The following JHY variants were observed in gnomAD, a reference collection of about 807,000 sequenced individuals.
The protein encoded by JHY is jhy protein homolog.
JHY carries 69 observed loss-of-function variants against 78.0 expected under a neutral mutation model. The observed-to-expected ratio is 0.88, with a 90% CI of 0.73 to 1.08. The LOEUF is 1.08. Among genes scored for constraint, JHY ranks in the 50% least tolerant of loss-of-function variants. JHY has a pLI of 0.00. For missense variants in JHY, 944 were observed against 927.8 expected (o/e 1.02, Z -0.23); for synonymous variants, 368 against 342.6 (o/e 1.07, Z -0.82).
intron 3 of JHY, among the ~76,000 whole-genome samples, chr11:122,916,124 G>A (rs917195887): frequency 1.3e-5 from 2 of 151,978 alleles, no homozygotes; most frequent in Non-Finnish European, 1.5e-5. Flanking sequence ...CCATAGCAAA[G>A]TTAGGTGACT....
intron 4 of JHY, among the ~76,000 whole-genome samples, chr11:122,930,379 C>T (rs1045742894): frequency 1.3e-5 from 2 of 152,100 alleles, no homozygotes; most frequent in African/African-American, 4.8e-5. Flanking sequence ...TGTGCCCAGC[C>T]AAGAAAGAGA....
chr11:122,905,646 T>A lies in JHY; in HGVS notation c.864+1202T>A, dbSNP rs560678858. 4.4e-4 allele frequency: 419 copies of A among 946,584 alleles called. 2 individuals are homozygous for A. The African/African-American group carries it at 7.1e-3, about 16-fold the overall frequency. 58.6% of individuals were successfully genotyped at this position (946,584 alleles called of 1,614,324 possible). On this transcript the variant is annotated intron_variant, in intron 3 of 8. Transcript: ENST00000227349. ...ACTTTGGGAGGTCGAGGTGGGAGGA[T>A]CACTTGAGGCCACGAGTTCAAGACC...
At chr11:122,931,176 A>C (rs751976652) in intron 4 of JHY, among the ~76,000 whole-genome samples, 10 of 152,196 alleles carry the variant, frequency 6.6e-5, no homozygotes, top group Admixed American at 2.0e-4. Flanking sequence ...GAAGACACAA[A>C]CATTCAAACC....
At chr11:122,944,065 G>A (rs1017283556) in intron 5 of JHY, among the ~76,000 whole-genome samples, 4 of 151,982 alleles carry the variant, frequency 2.6e-5, no homozygotes, top group African/African-American at 9.7e-5. Flanking sequence ...GGCATGGTGG[G>A]GTGCACCTGT....
rs768441102 is a variant in JHY, at chr11:122,934,808, A to G, written c.1367A>G (p.Asn456Ser). ...KQAFDKVLSK[N>S]STGCDSGLNV... Reference sequence around the variant, plus strand: ...GCTTTTGACAAGGTCTTATCTAAAAACTCTACTGGATGTGACTCTGGGCTG... The same window carrying G: ...GCTTTTGACAAGGTCTTATCTAAAAGCTCTACTGGATGTGACTCTGGGCTG... Residue 456 changes from asparagine (N) to serine (S), a missense_variant, in exon 5 of 9, where the codon AAC becomes AGC. Physicochemically the swap from Asn to Ser is conservative, Grantham distance 46. Coordinates refer to ENST00000227349, the MANE Select transcript of JHY (RefSeq NM_024806.4). 3.1e-6 allele frequency: 5 copies of G among 1,613,854 alleles called. No homozygotes were observed. The highest frequency in any genetic ancestry group is 4.2e-6 in the Non-Finnish European group (5 of 1,180,012).
chr11:122,887,499 T>C (rs1027331099), intron 2 of JHY, among the ~76,000 whole-genome samples: 1 of 152,186 alleles, frequency 6.6e-6, no homozygotes, highest in Non-Finnish European at 1.5e-5. Context: ...ATTTTTGCAT[T>C]TTTAGTAGAG....
At chr11:122,905,056 C>T (rs529886926) in intron 3 of JHY, 3 of 839,588 alleles carry the variant, frequency 3.6e-6, no homozygotes, top group Non-Finnish European at 5.7e-6. Flanking sequence ...TCTATAAACC[C>T]CATTGAAAAT....
chr11:122,956,619 C>G, intron 7 of JHY, 43 bp downstream of exon 7: 1 of 1,545,020 alleles, frequency 6.5e-7, no homozygotes, highest in Non-Finnish European at 8.9e-7. Flanking sequence ...CTGACTCAGC[C>G]CATCTGTCTG....
rs115680023 is a variant in JHY, at chr11:122,960,277, C to T, written c.*832C>T. The T allele has an allele frequency of 0.034, 5,291 of 154,454 alleles. 202 individuals carry two copies. Among genetic ancestry groups the T allele is most frequent in the African/African-American group, 0.091 (3,776 of 41,544 alleles). The allele number at this position is 154,454 out of a possible 1,614,324, so 9.6% of individuals were successfully genotyped here. The stretch of plus-strand genomic sequence containing the variant: ...TTCCTGCCCTGACAGATTCTCTGGT[C>T]GGGGTCACAGGGATGTTAAGACAGC... On this transcript the variant is annotated 3_prime_UTR_variant, in exon 9 of 9. Coordinates refer to ENST00000227349, the MANE Select transcript of JHY (RefSeq NM_024806.4).
rs1298415756 is a variant in JHY, at chr11:122,917,433, A to G, written c.865-7464A>G. ...AGTCCCTTGTATGTCATTTTAAAGC[A>G]GAAGCTCTCATATTGTGTTCCTTGG... On this transcript the variant is annotated intron_variant, in intron 3 of 8. Transcript: ENST00000227349. This position sits in a 1 kb window ranked among gnomAD's most constrained non-coding sequence, Gnocchi z 4.1. Among the ~76,000 whole-genome samples the G allele has an allele frequency of 6.6e-6, 1 of 152,240 alleles. No homozygotes were observed. Among genetic ancestry groups the G allele is most frequent in the Non-Finnish European group, 1.5e-5 (1 of 68,042 alleles).
At chr11:122,914,095 A>G (rs7118375) in intron 3 of JHY, among the ~76,000 whole-genome samples, 13,503 of 152,220 alleles carry the variant, frequency 0.089, 998 homozygotes, top group African/African-American at 0.2. Context: ...AAAATTACAA[A>G]TGTTTGCCTT....
chr11:122,950,640 T>C (rs186789721), intron 6 of JHY, among the ~76,000 whole-genome samples: 1 of 152,324 alleles, frequency 6.6e-6, no homozygotes, highest in Admixed American at 6.5e-5. Context: ...CTTAGTGTGA[T>C]GTTAAGTGAA....
At chr11:122,902,102 C>T (rs1475769090) in intron 2 of JHY, among the ~76,000 whole-genome samples, 1 of 144,106 alleles carries the variant, frequency 6.9e-6, no homozygotes, top group East Asian at 2.9e-4. Context: ...CTGCCTGAGG[C>T]TGTTTCACAG....
At chr11:122,887,127 T>C (rs926331350) in intron 2 of JHY, among the ~76,000 whole-genome samples, 5 of 152,162 alleles carry the variant, frequency 3.3e-5, no homozygotes, top group African/African-American at 1.2e-4. Flanking sequence ...AGCAGACCAT[T>C]TGGGTTCAGA....
rs748027186 is a variant in JHY, at chr11:122,904,264, C to T, written c.684C>T (p.Tyr228=). The change falls in exon 3 of 9, where the codon TAC becomes TAT. Residue 228 remains tyrosine, a synonymous_variant. Coordinates refer to ENST00000227349, the MANE Select transcript of JHY (RefSeq NM_024806.4). ...AGAAGTCGAGCAGCCTTTCTCCGTA[C>T]GTGAAGAGCTCAAGTTCACATAACG... The part of the protein sequence containing the change: ...LEEKSSSLSP[Y]VKSSSSHNEV... 5.6e-6 allele frequency: 9 copies of T among 1,614,148 alleles called. No individual in the cohort carries two copies. Among genetic ancestry groups the T allele is most frequent in the Non-Finnish European group, 7.6e-6 (9 of 1,180,022 alleles).
chr11:122,907,007 G>A (rs993936382), intron 3 of JHY, among the ~76,000 whole-genome samples: 5 of 151,596 alleles, frequency 3.3e-5, no homozygotes, highest in Admixed American at 1.3e-4. Flanking sequence ...TTTTTGAGAC[G>A]GGATCTTGCT....
rs980956618 is a variant in JHY at position 122,959,642 on chromosome 11, T to C, written c.*197T>C. 3.5e-5 allele frequency: 19 copies of C among 549,010 alleles called. No individual in the cohort carries two copies. Among genetic ancestry groups the C allele is most frequent in the Non-Finnish European group, 5.7e-5 (18 of 315,986 alleles). 34.0% of individuals were successfully genotyped at this position (549,010 alleles called of 1,614,324 possible). On this transcript the variant is annotated 3_prime_UTR_variant, in exon 9 of 9. Coordinates refer to ENST00000227349, the MANE Select transcript of JHY (RefSeq NM_024806.4). ...CATATTTTACTTTCTAGGAAGAAAATTTTTTAAATTATTTATTTTCAAATC... is the reference window on the plus strand; with the variant it reads ...CATATTTTACTTTCTAGGAAGAAAACTTTTTAAATTATTTATTTTCAAATC...
chr11:122,892,329 T>G (rs3107615), intron 2 of JHY, among the ~76,000 whole-genome samples: 133,869 of 147,826 alleles, frequency 0.91, 60,315 homozygotes, highest in Middle Eastern at 0.98. Context: ...AATCTGCATT[T>G]TTTTTTTTTT....
At chr11:122,919,334 C>T (rs1254572821) in intron 3 of JHY, among the ~76,000 whole-genome samples, 1 of 112,982 alleles carries the variant, frequency 8.9e-6, no homozygotes, top group East Asian at 2.8e-4. Context: ...GCCTGGGCAA[C>T]AGAGAGAGAC....
Sources: allele counts gnomAD v4.1 joint callset (sites outside exome capture counted in the v4.1 genomes callset), GRCh38; gene constraint gnomAD v4.1.1; non-coding constraint Gnocchi (gnomAD v3.1); transcripts MANE v1.5; gene names NCBI Gene and HGNC (gene_info 2026-07-23, HGNC 2026-07-21).